The following VPS13B variants were observed in gnomAD, a reference collection of about 807,000 sequenced individuals.
The protein encoded by VPS13B is vacuolar protein sorting 13 homolog B.
A neutral mutation model predicts 426.4 loss-of-function variants in VPS13B; 285 were observed. That is an observed-to-expected ratio of 0.67 (90% CI 0.61 to 0.74). The LOEUF (loss-of-function observed/expected upper bound fraction) is 0.74, where lower values mean the gene tolerates loss of function less well. VPS13B is among the 30% of genes least tolerant of loss of function. VPS13B has a pLI of 0.00. For missense variants in VPS13B, 4,537 were observed against 4,782.6 expected (o/e 0.95, Z 1.51); for synonymous variants, 1,676 against 1,676.4 (o/e 1.00, Z 0.01).
chr8:99,830,369 C>T (rs2130850991), intron 51 of VPS13B, among the ~76,000 whole-genome samples: 1 of 152,264 alleles, frequency 6.6e-6, no homozygotes, highest in East Asian at 1.9e-4. Flanking sequence ...TCTTCCCAGT[C>T]CGAACTTTCT....
At chr8:99,215,514 T>A (rs1348786537) in intron 17 of VPS13B, among the ~76,000 whole-genome samples, 2 of 152,198 alleles carry the variant, frequency 1.3e-5, no homozygotes, top group Non-Finnish European at 2.9e-5. Flanking sequence ...TATAGCAATG[T>A]AGTAAGGATA....
chr8:99,649,230 ATCT>A (rs1829709198), intron 34 of VPS13B, among the ~76,000 whole-genome samples: 1 of 151,868 alleles, frequency 6.6e-6, no homozygotes, highest in African/African-American at 2.4e-5. Context: ...GGGTTCTCTG[ATCT>A]TCTTGACTGT....
At chr8:99,694,676 C>CAA (rs1218261794) in intron 35 of VPS13B, among the ~76,000 whole-genome samples, 119 of 144,478 alleles carry the variant, frequency 8.2e-4, no homozygotes, top group Middle Eastern at 7.0e-3. Context: ...GCAATGGCAA[C>CAA]AAAAGCCAAA....
At chr8:99,783,852 G>A (rs974420956) in intron 42 of VPS13B, among the ~76,000 whole-genome samples, 1 of 152,132 alleles carries the variant, frequency 6.6e-6, no homozygotes, top group East Asian at 1.9e-4. Context: ...GGGATCTGGG[G>A]ATGTTTTACC....
At chr8:99,147,258 C>T (rs1260726863) in intron 13 of VPS13B, among the ~76,000 whole-genome samples, 1 of 151,954 alleles carries the variant, frequency 6.6e-6, no homozygotes, top group Non-Finnish European at 1.5e-5. Flanking sequence ...ATTACAGGCA[C>T]CTGCCACCAT....
intron 21 of VPS13B, among the ~76,000 whole-genome samples, chr8:99,401,727 G>A (rs772386546): frequency 3.3e-5 from 5 of 152,168 alleles, no homozygotes; most frequent in Admixed American, 3.3e-4. Context: ...TTAACTGGGT[G>A]TGGTGACGCG....
intron 33 of VPS13B, among the ~76,000 whole-genome samples, chr8:99,601,002 T>A (rs879021404): frequency 5.3e-5 from 8 of 152,086 alleles, no homozygotes; most frequent in East Asian, 3.8e-4. Context: ...TTCCTTTTTT[T>A]AATTTTTTTT....
intron 23 of VPS13B, 91 bp downstream of exon 23, chr8:99,442,726 A>G (rs1817735166): frequency 7.7e-7 from 1 of 1,303,580 alleles, no homozygotes; most frequent in Non-Finnish European, 1.1e-6. Flanking sequence ...TGTATAAGCA[A>G]ATCAGTCTTC....
At chr8:99,333,057 A>G (rs1362661769) in intron 19 of VPS13B, among the ~76,000 whole-genome samples, 1 of 151,752 alleles carries the variant, frequency 6.6e-6, no homozygotes, top group African/African-American at 2.4e-5. Flanking sequence ...TTTTTAAATA[A>G]TAGTACTTAG....
chr8:99,163,354 G>A (rs1467213969), intron 15 of VPS13B, among the ~76,000 whole-genome samples: 3 of 152,218 alleles, frequency 2.0e-5, no homozygotes, highest in Non-Finnish European at 4.4e-5. Flanking sequence ...ATCCCGCACC[G>A]GGGCTGCAGG....
intron 16 of VPS13B, among the ~76,000 whole-genome samples, chr8:99,191,940 A>C (rs1031700102): frequency 1.3e-5 from 2 of 152,190 alleles, no homozygotes; most frequent in African/African-American, 2.4e-5. Flanking sequence ...TGTACTCTCC[A>C]TGTGTGGTTA....
At chr8:99,646,733 A>G (rs1293822533) in intron 34 of VPS13B, among the ~76,000 whole-genome samples, 4 of 152,092 alleles carry the variant, frequency 2.6e-5, no homozygotes, top group African/African-American at 4.8e-5. Context: ...ATGGTTTAGT[A>G]CCATCCTTTT....
intron 19 of VPS13B, among the ~76,000 whole-genome samples, chr8:99,311,592 A>G (rs1010890699): frequency 3.3e-5 from 5 of 152,162 alleles, no homozygotes; most frequent in African/African-American, 4.8e-5. Context: ...ACTTCCAACT[A>G]TGTGGTCAAT....
chr8:99,182,296 T>G (rs1812984317), intron 16 of VPS13B, among the ~76,000 whole-genome samples: 1 of 152,026 alleles, frequency 6.6e-6, no homozygotes, highest in Non-Finnish European at 1.5e-5. Context: ...TAATCTGTAG[T>G]GGAAAAAAGT....
chr8:99,531,761 T>A (rs1374876419), intron 30 of VPS13B, among the ~76,000 whole-genome samples: 2 of 152,110 alleles, frequency 1.3e-5, no homozygotes, highest in Admixed American at 6.5e-5. Flanking sequence ...TGAGAAATAC[T>A]GTGTTCAAGC....
chr8:99,478,892 G>T (rs960614966), intron 24 of VPS13B, among the ~76,000 whole-genome samples: 2 of 150,184 alleles, frequency 1.3e-5, no homozygotes, highest in African/African-American at 4.9e-5. Context: ...CAACCTACAT[G>T]CCAAATGAAA....
chr8:99,111,201 A>G lies in VPS13B; in HGVS notation c.684A>G (p.Leu228=), dbSNP rs1847344855. Residue 228 remains leucine (L), a synonymous_variant, in exon 6 of 62, where the codon TTA becomes TTG. Coordinates refer to ENST00000357162, the MANE Select transcript of VPS13B (RefSeq NM_152564.5). ...AAATAGAATTTTACCAGGATCCTTTATTATACAAATGTTCCTTCAGAACTC... is the reference window on the plus strand; with the variant it reads ...AAATAGAATTTTACCAGGATCCTTTGTTATACAAATGTTCCTTCAGAACTC... The part of the protein sequence containing the change: ...SGKIEFYQDP[L]LYKCSFRTRL... 2 of 1,603,242 alleles carry G rather than the reference A, an allele frequency of 1.2e-6. No homozygotes were observed. Among genetic ancestry groups the G allele is most frequent in the African/African-American group, 1.3e-5 (1 of 74,638 alleles).
At chr8:99,757,947 C>G (rs936691659) in intron 39 of VPS13B, among the ~76,000 whole-genome samples, 9 of 152,286 alleles carry the variant, frequency 5.9e-5, no homozygotes, top group African/African-American at 2.2e-4. Context: ...TCCAGTGAAA[C>G]CAATTTACTT....
chr8:99,039,161 G>A lies in VPS13B; in HGVS notation c.291+595G>A, dbSNP rs191685866. Among the ~76,000 whole-genome samples, 762 of 152,132 alleles carry A rather than the reference G, an allele frequency of 5.0e-3. 5 individuals are homozygous for A. Among genetic ancestry groups the A allele is most frequent in the African/African-American group, 0.017 (716 of 41,488 alleles). ...ATGAAAGTGCAGCCTAATTGTGTCCGATTTTTACATTAACATTTTTAGATT... is the reference window on the plus strand; with the variant it reads ...ATGAAAGTGCAGCCTAATTGTGTCCAATTTTTACATTAACATTTTTAGATT... On this transcript the variant is annotated intron_variant, in intron 3 of 61. Coordinates refer to ENST00000357162, the MANE Select transcript of VPS13B (RefSeq NM_152564.5).
Sources: gnomAD v4.1 joint callset for allele counts (sites outside exome capture counted in the v4.1 genomes callset) on GRCh38, gnomAD v4.1.1 for gene constraint, MANE v1.5 for transcripts, NCBI Gene and HGNC (gene_info 2026-07-23, HGNC 2026-07-21) for gene names.